The following SNX13 variants were observed in gnomAD, a reference collection of about 807,000 sequenced individuals.
SNX13 encodes the protein sorting nexin 13.
SNX13 carries 45 observed loss-of-function variants against 133.6 expected under a neutral mutation model. The ratio of observed to expected loss-of-function variants is 0.34; its 90% CI spans 0.27 to 0.43. The LOEUF (loss-of-function observed/expected upper bound fraction) is 0.43. SNX13 is among the 20% of genes least tolerant of loss of function. SNX13 has a pLI of 1.00. For missense variants in SNX13, 1,032 were observed against 1,145.1 expected, an observed-to-expected ratio of 0.90 and a Z score of 1.43; for synonymous variants, 414 against 373.9, an observed-to-expected ratio of 1.11 and a Z score of -1.24.
At chr7:17,929,593 A>C (rs190968818) in intron 1 of SNX13, among the ~76,000 whole-genome samples, 23 of 152,298 alleles carry the variant, frequency 1.5e-4, no homozygotes, top group Admixed American at 1.4e-3. Flanking sequence ...GAGCTTATAT[A>C]AATGAGAGCC....
intron 21 of SNX13, among the ~76,000 whole-genome samples, 173 bp from the exon 22 acceptor site, chr7:17,801,832 T>C (rs73079341): frequency 0.094 from 14,281 of 152,048 alleles, 768 homozygotes; most frequent in Non-Finnish European, 0.12. Flanking sequence ...AATTATTTCA[T>C]TACTAAAAGG....
At chr7:17,833,339 T>C (rs1341691547) in intron 15 of SNX13, among the ~76,000 whole-genome samples, 1 of 151,700 alleles carries the variant, frequency 6.6e-6, no homozygotes, top group Admixed American at 6.6e-5. Flanking sequence ...CATAATTCCA[T>C]TTAAATCTAA....
chr7:17,834,175 A>G lies in SNX13; in HGVS notation c.1474T>C (p.Leu492=), dbSNP rs750057483. ...TAAAATCTTTCATCTCGTAGCATCA[A>G]TTCATATACCTTGGTGAAATAAATC... ...FDDIQRKVYE[L]MLRDERFYPS... is the part of the protein sequence containing the mutation. The change falls in exon 15 of 26, where the codon TTG becomes CTG. Residue 492 remains leucine (L), a synonymous_variant. Transcript: ENST00000428135. 3.8e-6 allele frequency: 6 copies of G among 1,575,498 alleles called. No homozygotes were observed. Among genetic ancestry groups the G allele is most frequent in the African/African-American group, 1.3e-5 (1 of 74,142 alleles).
intron 8 of SNX13, among the ~76,000 whole-genome samples, chr7:17,870,102 A>G (rs1793899454): frequency 6.6e-6 from 1 of 152,200 alleles, no homozygotes; most frequent in African/African-American, 2.4e-5. Flanking sequence ...ATTCCAAGCA[A>G]GTAGGCACTT....
chr7:17,816,574 A>G (rs1786690407), intron 18 of SNX13, among the ~76,000 whole-genome samples: 2 of 152,092 alleles, frequency 1.3e-5, no homozygotes, highest in Admixed American at 1.3e-4. Context: ...GGGAGGAGAG[A>G]ATAGCTTGAA....
At chr7:17,938,132 C>T (rs1056975495) in intron 1 of SNX13, among the ~76,000 whole-genome samples, 4 of 152,006 alleles carry the variant, frequency 2.6e-5, no homozygotes, top group African/African-American at 9.7e-5. Context: ...GACTAGTTTA[C>T]GAGGCTTAGA....
At chr7:17,801,955 GC>G (rs1314552313) in intron 21 of SNX13, among the ~76,000 whole-genome samples, 1 of 152,040 alleles carries the variant, frequency 6.6e-6, no homozygotes, top group Non-Finnish European at 1.5e-5. Context: ...TGACTTGAAA[GC>G]CAAAAAGTCA....
At position 17,897,398 on chromosome 7, in the gene SNX13, G is replaced by T; in HGVS notation, c.61C>A (p.Leu21Met). 6.2e-7 allele frequency: 1 copy of T among 1,604,922 alleles called. No homozygotes were observed. The highest frequency in any genetic ancestry group is 8.5e-7 in the Non-Finnish European group (1 of 1,175,138). The part of the protein sequence containing the change: ...GWGSLGIVLF[L>M]ITFGPFVIFY... ...ATTACAAAGGGTCCAAAGGTTATCA[G>T]AAAAAGGACAATGCCAAGGCTTCCC... The change falls in exon 2 of 26, where the codon CTG becomes ATG. Residue 21 changes from leucine to methionine, a missense_variant. Physicochemically the swap from Leu to Met is conservative, Grantham distance 15 (BLOSUM62 2). Transcript: ENST00000428135.
At chr7:17,888,682 G>A (rs1218116254) in intron 5 of SNX13, 2 of 470,702 alleles carry the variant, frequency 4.2e-6, no homozygotes, top group Non-Finnish European at 8.8e-6. Flanking sequence ...TCACTCCACT[G>A]AGCAGGGACT....
intron 1 of SNX13, among the ~76,000 whole-genome samples, chr7:17,933,245 G>T (rs1468506999): frequency 6.6e-6 from 1 of 152,082 alleles, no homozygotes; most frequent in Non-Finnish European, 1.5e-5. Flanking sequence ...ACATTTTTTA[G>T]AACTTTGCTT....
chr7:17,801,743 A>G (rs1287078809), intron 21 of SNX13, 84 bp from the exon 22 acceptor site: 1 of 1,006,086 alleles, frequency 9.9e-7, no homozygotes, highest in Non-Finnish European at 1.5e-6. Context: ...CTAAATGAGT[A>G]TCAGCATTTG....
At chr7:17,811,445 G>A (rs896507729) in intron 20 of SNX13, among the ~76,000 whole-genome samples, 1 of 152,212 alleles carries the variant, frequency 6.6e-6, no homozygotes, top group Non-Finnish European at 1.5e-5. Context: ...TACAAGGGAT[G>A]CGAAGGACAT....
At chr7:17,859,932 C>T (rs1792438493) in intron 9 of SNX13, among the ~76,000 whole-genome samples, 1 of 152,122 alleles carries the variant, frequency 6.6e-6, no homozygotes, top group Admixed American at 6.5e-5. Flanking sequence ...ATTTCCACCT[C>T]TTGGCTACTG....
chr7:17,911,448 G>A (rs1320928242), intron 1 of SNX13, among the ~76,000 whole-genome samples: 10 of 152,020 alleles, frequency 6.6e-5, no homozygotes, highest in Admixed American at 5.9e-4. Context: ...AGACCAGACT[G>A]GCCAACATGG....
intron 3 of SNX13, among the ~76,000 whole-genome samples, chr7:17,892,967 T>A (rs1165970599): frequency 1.3e-5 from 2 of 152,322 alleles, no homozygotes; most frequent in East Asian, 3.9e-4. Context: ...TATCCATTTT[T>A]TCCTCTGATT....
chr7:17,806,254 G>C (rs1213209878), intron 20 of SNX13, among the ~76,000 whole-genome samples: 1 of 152,084 alleles, frequency 6.6e-6, no homozygotes, highest in Non-Finnish European at 1.5e-5. Flanking sequence ...GTGTACAAAG[G>C]AGAAAGGCTA....
In SNX13 at chr7:17,845,688, T is replaced by C; in HGVS notation, c.1072A>G (p.Asn358Asp). 6.3e-7 allele frequency: 1 copy of C among 1,590,242 alleles called. No homozygotes were observed. Among genetic ancestry groups the C allele is most frequent in the Admixed American group, 1.8e-5 (1 of 56,926 alleles). Residue 358 changes from asparagine (N) to aspartate (D), a missense_variant, in exon 12 of 26, where the codon AAT (asparagine) becomes GAT (aspartate). Transcript: ENST00000428135. ...IQRLQSGKEI[N>D]TVKLAANFGK... ...AAGTTTGCTGCAAGTTTCACAGTAT[T>C]TATTTCCTACAGGCAAAAGTGAATA...
In SNX13 at chr7:17,850,391, T is replaced by C; in HGVS notation, c.1021A>G (p.Lys341Glu). Residue 341 changes from lysine (K) to glutamate (E), a missense_variant, in exon 11 of 26, where the codon AAG (lysine) becomes GAG (glutamate). Lys to Glu is a moderately conservative substitution (Grantham distance 56). Coordinates refer to ENST00000428135, the MANE Select transcript of SNX13 (RefSeq NM_015132.5). The stretch of plus-strand genomic sequence containing the variant: ...TGTATTCTTGAGTCACATACCTTCT[T>C]TACGAATAGTAAGCTATTTATTTGA... ...KNQINSLLFV[K>E]KVCDSRIQRL... 6.3e-7 allele frequency: 1 copy of C among 1,595,126 alleles called. No homozygotes were observed. Among genetic ancestry groups the C allele is most frequent in the Non-Finnish European group, 8.5e-7 (1 of 1,171,688 alleles).
chr7:17,814,950 A>ACG lies in SNX13; in HGVS notation c.1954-7_1954-6insCG, dbSNP rs1554309407. ...ATTTCAGGAGCTAACAGTAACTAAC[A>ACG]AGAAAAAAAAAAAAAAGAAGAGATT... On this transcript the variant is annotated splice_region_variant and splice_polypyrimidine_tract_variant and intron_variant, in intron 19 of 25. Coordinates refer to ENST00000428135, the MANE Select transcript of SNX13 (RefSeq NM_015132.5). 2 of 1,371,510 alleles carry ACG rather than the reference A, an allele frequency of 1.5e-6. No individual in the cohort carries two copies. The highest frequency in any genetic ancestry group is 4.5e-5 in the African/African-American group (2 of 44,466). 85.0% of individuals were successfully genotyped at this position (1,371,510 alleles called of 1,614,324 possible).
Sources: allele counts gnomAD v4.1 joint callset (sites outside exome capture counted in the v4.1 genomes callset), GRCh38; gene constraint gnomAD v4.1.1; transcripts MANE v1.5; gene names NCBI Gene and HGNC (gene_info 2026-07-23, HGNC 2026-07-21).